CHD6: variants seen among roughly 807,000 people sequenced by gnomAD.
CHD6 encodes ATP-dependent chromatin remodeler CHD6.
Under a neutral mutation model 276.9 loss-of-function variants are expected in CHD6, and 50 were observed. That is an observed-to-expected ratio of 0.18 (90% CI 0.14 to 0.23). CHD6 has a LOEUF of 0.23. Ranked by LOEUF, CHD6 falls within the 10% of genes least tolerant of loss-of-function variation. The pLI, the probability that CHD6 is intolerant of heterozygous loss-of-function variation, is 1.00. For synonymous variants in CHD6, 1,173 were observed against 1,229.3 expected, an observed-to-expected ratio of 0.95 and a Z score of 0.96; for missense variants, 2,564 against 3,365.8, an observed-to-expected ratio of 0.76 and a Z score of 5.89.
rs560131596 is a variant in CHD6 at position 41,546,093 on chromosome 20, T to C, written c.33+5212A>G. On this transcript the variant is annotated intron_variant, in intron 2 of 36. Transcript: ENST00000373233. The stretch of plus-strand genomic sequence containing the variant: ...AAATTGCTTTAGTTACTACTGAACC[T>C]GACCCCAAGTAGAACGCAAATATTT... Among the ~76,000 whole-genome samples the C allele has an allele frequency of 2.0e-5, 3 of 152,300 alleles. No homozygotes were observed. The East Asian group carries it at 5.8e-4, about 29-fold the overall frequency.
intron 1 of CHD6, among the ~76,000 whole-genome samples, chr20:41,563,365 T>C (rs2045322681): frequency 6.6e-6 from 1 of 152,224 alleles, no homozygotes; most frequent in Non-Finnish European, 1.5e-5. Flanking sequence ...CAGTATCCTA[T>C]GTTGCTATAA....
chr20:41,485,202 A>G (rs982752855), intron 14 of CHD6, among the ~76,000 whole-genome samples: 6 of 152,154 alleles, frequency 3.9e-5, no homozygotes, highest in South Asian at 2.1e-4. Flanking sequence ...CTTTGCTACA[A>G]TTTGTCTGTT....
At position 41,402,241 on chromosome 20, in the gene CHD6, C is replaced by A. The variant is rs558616871; in HGVS notation, c.*2352G>T. ...TTTGCTGAAGAGAGTTTAAATTTGG[C>A]TTTTGCTCTTGGAAACGTCAAAATA... On this transcript the variant is annotated 3_prime_UTR_variant, in exon 37 of 37. Coordinates refer to ENST00000373233, the MANE Select transcript of CHD6 (RefSeq NM_032221.5). 1 of 221,000 alleles carries A rather than the reference C, an allele frequency of 4.5e-6. No homozygotes were observed. The highest frequency in any genetic ancestry group is 2.2e-5 in the African/African-American group (1 of 44,666). The allele number at this position is 221,000 out of a possible 1,614,324, so 13.7% of individuals were successfully genotyped here.
intron 31 of CHD6, among the ~76,000 whole-genome samples, 155 bp from the exon 32 acceptor site, chr20:41,417,504 C>T (rs554959896): frequency 3.3e-4 from 51 of 152,290 alleles, no homozygotes; most frequent in Non-Finnish European, 7.1e-4. Flanking sequence ...TCTTCTATTT[C>T]CAGGAGAACC....
chr20:41,537,003 CA>C (rs1365475622), intron 2 of CHD6, among the ~76,000 whole-genome samples: 2 of 152,128 alleles, frequency 1.3e-5, no homozygotes, highest in African/African-American at 4.8e-5. Context: ...GTTGTGATGA[CA>C]TTTCCCTCTC....
At chr20:41,456,769 TGC>T (rs2048388760) in intron 18 of CHD6, among the ~76,000 whole-genome samples, 1 of 152,238 alleles carries the variant, frequency 6.6e-6, no homozygotes, top group African/African-American at 2.4e-5. Context: ...GTAATTCTTA[TGC>T]CCCCAAAGGG....
At chr20:41,607,409 C>T (rs540064326) in intron 1 of CHD6, among the ~76,000 whole-genome samples, 1 of 152,268 alleles carries the variant, frequency 6.6e-6, no homozygotes, top group Non-Finnish European at 1.5e-5. Context: ...AAAGTGCATT[C>T]CACAAAGGGA....
At chr20:41,551,477 A>C (rs1011570229) in intron 1 of CHD6, 117 bp from the exon 2 acceptor site, 47 of 577,894 alleles carry the variant, frequency 8.1e-5, no homozygotes, top group African/African-American at 7.8e-4. Context: ...CTTCTGCAGA[A>C]CATTTATGTC....
chr20:41,574,034 G>T (rs1394931007), intron 1 of CHD6, among the ~76,000 whole-genome samples: 1 of 152,090 alleles, frequency 6.6e-6, no homozygotes, highest in Admixed American at 6.5e-5. Context: ...CAGATAAATA[G>T]TGGATCTAAC....
intron 1 of CHD6, among the ~76,000 whole-genome samples, chr20:41,586,492 G>A (rs4812529): frequency 0.38 from 57,243 of 152,076 alleles, 13,345 homozygotes; most frequent in African/African-American, 0.64. Flanking sequence ...AACTCACTGC[G>A]TGGGCCAAGG....
At position 41,452,399 on chromosome 20, in the gene CHD6, G is replaced by A. The variant is rs185399680; in HGVS notation, c.3323+341C>T. Among the ~76,000 whole-genome samples, 10 of 152,342 alleles carry A rather than the reference G, an allele frequency of 6.6e-5. No homozygotes were observed. Among genetic ancestry groups the A allele is most frequent in the African/African-American group, 1.9e-4 (8 of 41,582 alleles). ...TTCTACCAGAGCCAAAGCCCTGCACGAATCATGCCTTGGCGATAACATGTG... is the reference window on the plus strand; with the variant it reads ...TTCTACCAGAGCCAAAGCCCTGCACAAATCATGCCTTGGCGATAACATGTG... On this transcript the variant is annotated intron_variant, in intron 21 of 36. Coordinates refer to ENST00000373233, the MANE Select transcript of CHD6 (RefSeq NM_032221.5). This position sits in a 1 kb window ranked among gnomAD's most constrained non-coding sequence, Gnocchi z 4.2.
Position 41,404,930 on chromosome 20 carries a change from C to G in CHD6, c.7811G>C (p.Ser2604Thr). The change falls in exon 37 of 37, where the codon AGT becomes ACT. Residue 2604 changes from serine to threonine, a missense_variant. Ser to Thr is a moderately conservative substitution (Grantham distance 58). This residue lies in a region of CHD6 where 238 missense variants were observed against 266.0 expected (regional missense o/e 0.89). Transcript: ENST00000373233. ...AAATGGGTTAAAAGCCACAGGACTA[C>G]TAGTAGTTATTGCAGGTTCAGACTG... is the stretch of plus-strand genomic sequence containing the variant. ...SDQSEPAITTSSPVAFNPFLI... is the reference protein window; with the variant it reads ...SDQSEPAITTTSPVAFNPFLI... 6.2e-7 allele frequency: 1 copy of G among 1,614,206 alleles called. No homozygotes were observed. Among genetic ancestry groups the G allele is most frequent in the Non-Finnish European group, 8.5e-7 (1 of 1,180,036 alleles).
intron 31 of CHD6, among the ~76,000 whole-genome samples, chr20:41,419,580 A>G (rs936434976): frequency 1.4e-5 from 2 of 140,422 alleles, no homozygotes; most frequent in African/African-American, 5.1e-5. Context: ...AAAAAAAAAA[A>G]AAAAAAAAAA....
intron 1 of CHD6, among the ~76,000 whole-genome samples, chr20:41,608,504 G>A (rs2045852804): frequency 6.6e-6 from 1 of 152,146 alleles, no homozygotes; most frequent in South Asian, 2.1e-4. Flanking sequence ...TTTCCCCCAT[G>A]AATTTTTAAG....
chr20:41,563,287 A>T (rs1042360533), intron 1 of CHD6, among the ~76,000 whole-genome samples: 3 of 152,234 alleles, frequency 2.0e-5, no homozygotes, highest in Admixed American at 2.0e-4. Flanking sequence ...CAGCTGCTGA[A>T]TAACAAGGCT....
intron 1 of CHD6, among the ~76,000 whole-genome samples, chr20:41,578,033 T>C (rs1271311172): frequency 2.0e-5 from 3 of 152,224 alleles, no homozygotes; most frequent in South Asian, 2.1e-4. Context: ...TCCTAGGTTA[T>C]AGAAAAAATA....
chr20:41,414,664 A>G, intron 34 of CHD6: 1 of 232,874 alleles, frequency 4.3e-6, no homozygotes, highest in Non-Finnish European at 8.2e-6. Context: ...TCTTAGCATG[A>G]TCTCCGTAAA....
At chr20:41,447,120 G>T (rs571907632) in intron 24 of CHD6, among the ~76,000 whole-genome samples, 2 of 152,178 alleles carry the variant, frequency 1.3e-5, no homozygotes, top group Non-Finnish European at 2.9e-5. Flanking sequence ...GGGTCGGGTT[G>T]TCTATGTCCC....
At chr20:41,457,616 T>C (rs555953427) in intron 17 of CHD6, among the ~76,000 whole-genome samples, 188 bp from the exon 18 acceptor site, 51 of 152,334 alleles carry the variant, frequency 3.3e-4, no homozygotes, top group Admixed American at 6.5e-4. Flanking sequence ...CACTCATTTC[T>C]TCTCCCATTG....
Sources: allele counts gnomAD v4.1 joint callset (sites outside exome capture counted in the v4.1 genomes callset), GRCh38; gene constraint gnomAD v4.1.1; regional missense constraint gnomAD v4.1.1; non-coding constraint Gnocchi (gnomAD v3.1); transcripts MANE v1.5; gene names NCBI Gene and HGNC (gene_info 2026-07-23, HGNC 2026-07-21).